TTC27: variants seen among roughly 807,000 people sequenced by gnomAD.
TTC27 encodes the protein tetratricopeptide repeat domain 27, also known as tetratricopeptide repeat protein 27.
TTC27 carries 79 observed loss-of-function variants against 115.9 expected under a neutral mutation model. The ratio of observed to expected loss-of-function variants is 0.68; its 90% CI spans 0.57 to 0.82. The LOEUF is 0.82. Among genes scored for constraint, TTC27 ranks in the 40% least tolerant of loss-of-function variants. TTC27 has a pLI of 0.00. For synonymous variants in TTC27, 401 were observed against 356.0 expected, an observed-to-expected ratio of 1.13 and a Z score of -1.42; for missense variants, 1,054 against 993.1, an observed-to-expected ratio of 1.06 and a Z score of -0.82.
intron 10 of TTC27, among the ~76,000 whole-genome samples, chr2:32,722,675 A>G (rs1667967797): frequency 6.6e-6 from 1 of 152,256 alleles, no homozygotes; most frequent in Admixed American, 6.5e-5. Context: ...ACGTGATATC[A>G]GTAGAAGACT....
intron 10 of TTC27, among the ~76,000 whole-genome samples, chr2:32,705,676 G>A (rs1392693816): frequency 1.3e-5 from 2 of 152,022 alleles, no homozygotes; most frequent in Admixed American, 6.6e-5. Flanking sequence ...TCAGCCCTCA[G>A]CCTTACCACT....
chr2:32,666,124 A>G (rs566197606), intron 6 of TTC27, among the ~76,000 whole-genome samples: 179 of 152,268 alleles, frequency 1.2e-3, no homozygotes, highest in African/African-American at 4.1e-3. Context: ...GAAAACAGCT[A>G]TTCTGCAGTA....
At chr2:32,780,012 A>T (rs1558340163) in intron 14 of TTC27, 2 of 424,040 alleles carry the variant, frequency 4.7e-6, no homozygotes, top group Non-Finnish European at 1.0e-5. Context: ...TGGTCCATCA[A>T]TCACATTTCA....
intron 1 of TTC27, among the ~76,000 whole-genome samples, chr2:32,629,797 A>AAAAG (rs2151856701): frequency 6.6e-6 from 1 of 152,312 alleles, no homozygotes; most frequent in East Asian, 1.9e-4. Context: ...ATAAAGAGTT[A>AAAAG]AAAGGCACAT....
At chr2:32,735,651 G>C (rs529798811) in intron 11 of TTC27, among the ~76,000 whole-genome samples, 1 of 146,582 alleles carries the variant, frequency 6.8e-6, no homozygotes, top group African/African-American at 2.4e-5. Context: ...AAGAGAATTA[G>C]TCTCTACTTT....
chr2:32,645,262 T>C (rs1173723321), intron 4 of TTC27, among the ~76,000 whole-genome samples: 1 of 152,154 alleles, frequency 6.6e-6, no homozygotes, highest in Non-Finnish European at 1.5e-5. Flanking sequence ...AAAATGAGTC[T>C]TGGTTTTGAA....
At chr2:32,675,843 G>A (rs776984430) in intron 8 of TTC27, among the ~76,000 whole-genome samples, 1 of 151,806 alleles carries the variant, frequency 6.6e-6, no homozygotes, top group Admixed American at 6.6e-5. Flanking sequence ...CCAGGCTAGA[G>A]TACAATGGTG....
At chr2:32,715,882 A>T (rs1667737971) in intron 10 of TTC27, among the ~76,000 whole-genome samples, 1 of 151,070 alleles carries the variant, frequency 6.6e-6, no homozygotes, top group Non-Finnish European at 1.5e-5. Flanking sequence ...TTTTTTTAAT[A>T]CTGATGGAAT....
At chr2:32,641,343 T>C (rs1664640200) in intron 4 of TTC27, among the ~76,000 whole-genome samples, 1 of 152,256 alleles carries the variant, frequency 6.6e-6, no homozygotes, top group South Asian at 2.1e-4. Flanking sequence ...TTAGAGCAGC[T>C]GTAGACAATG....
At chr2:32,694,785 GC>G (rs1244035827) in intron 9 of TTC27, among the ~76,000 whole-genome samples, 1 of 149,978 alleles carries the variant, frequency 6.7e-6, no homozygotes, top group Non-Finnish European at 1.5e-5. Context: ...CGATCTTCCT[GC>G]CTCAGCCTGT....
chr2:32,721,181 T>G (rs957953240), intron 10 of TTC27, among the ~76,000 whole-genome samples: 1 of 152,212 alleles, frequency 6.6e-6, no homozygotes, highest in African/African-American at 2.4e-5. Flanking sequence ...GTTCTTGTAA[T>G]GGACAAATAG....
At chr2:32,734,738 T>G (rs1030423312) in intron 11 of TTC27, among the ~76,000 whole-genome samples, 1 of 152,206 alleles carries the variant, frequency 6.6e-6, no homozygotes, top group Non-Finnish European at 1.5e-5. Flanking sequence ...GATCACCCAA[T>G]CTACATGAAC....
chr2:32,761,738 A>G (rs1669444147), intron 13 of TTC27, among the ~76,000 whole-genome samples: 2 of 152,020 alleles, frequency 1.3e-5, no homozygotes, highest in Admixed American at 1.3e-4. Flanking sequence ...CCCCTACCTT[A>G]TACTCCTAAT....
At chr2:32,727,560 T>G (rs1668152409) in intron 10 of TTC27, among the ~76,000 whole-genome samples, 2 of 152,194 alleles carry the variant, frequency 1.3e-5, no homozygotes, top group African/African-American at 2.4e-5. Flanking sequence ...ACATACTCTT[T>G]CCCTGTTCAA....
chr2:32,819,056 G>A (rs975069449), intron 19 of TTC27, among the ~76,000 whole-genome samples: 5 of 152,072 alleles, frequency 3.3e-5, no homozygotes, highest in Non-Finnish European at 7.4e-5. Context: ...TGGGAGCTTT[G>A]TTTCCTACTT....
At chr2:32,781,380 T>A (rs895573240) in intron 14 of TTC27, among the ~76,000 whole-genome samples, 5 of 152,180 alleles carry the variant, frequency 3.3e-5, no homozygotes, top group Non-Finnish European at 7.3e-5. Flanking sequence ...CTGATATTTT[T>A]TCCCTTTGGT....
At chr2:32,666,888 C>A in intron 7 of TTC27, 120 bp downstream of exon 7, 3 of 1,221,512 alleles carry the variant, frequency 2.5e-6, no homozygotes, top group South Asian at 4.1e-5. Context: ...CTTTCTTTTG[C>A]CTTTTAAAGG....
chr2:32,755,242 TGGA>T (rs1669185629), intron 12 of TTC27, among the ~76,000 whole-genome samples: 1 of 150,952 alleles, frequency 6.6e-6, no homozygotes, highest in African/African-American at 2.4e-5. Flanking sequence ...GGCTGGGAGG[TGGA>T]GGTTGTAGCG....
At chr2:32,723,971 C>CTT (rs36120062) in intron 10 of TTC27, among the ~76,000 whole-genome samples, 1,338 of 92,416 alleles carry the variant, frequency 0.014, 151 homozygotes, top group African/African-American at 0.048. Context: ...CATACATAAG[C>CTT]TTTTTTTTTT....
Sources: allele counts gnomAD v4.1 joint callset (sites outside exome capture counted in the v4.1 genomes callset), GRCh38; gene constraint gnomAD v4.1.1; transcripts MANE v1.5; gene names NCBI Gene and HGNC (gene_info 2026-07-23, HGNC 2026-07-21).